EIF4E1B: variants seen among roughly 807,000 people sequenced by gnomAD.
EIF4E1B encodes the protein eukaryotic translation initiation factor 4E type 1B.
Under a neutral mutation model 31.3 loss-of-function variants are expected in EIF4E1B, and 22 were observed. The ratio of observed to expected loss-of-function variants is 0.70; its 90% CI spans 0.50 to 1.00. The LOEUF (loss-of-function observed/expected upper bound fraction) is 1.00. EIF4E1B is among the 50% of genes least tolerant of loss of function. EIF4E1B has a pLI of 0.00. For synonymous variants in EIF4E1B, 126 were observed against 120.2 expected, an observed-to-expected ratio of 1.05 and a Z score of -0.31; for missense variants, 290 against 311.6, an observed-to-expected ratio of 0.93 and a Z score of 0.52.
intron 4 of EIF4E1B, 97 bp from the exon 5 acceptor site, chr5:176,643,542 G>A (rs1484370983): frequency 1.0e-5 from 12 of 1,167,470 alleles, no homozygotes; most frequent in South Asian, 2.8e-5. Flanking sequence ...CTCCCAGTTC[G>A]CCCTTGAAGG....
intron 5 of EIF4E1B, 37 bp downstream of exon 5, chr5:176,643,771 G>A (rs1405236640): frequency 6.3e-7 from 1 of 1,581,812 alleles, no homozygotes; most frequent in African/African-American, 1.3e-5. Flanking sequence ...GAGTTGGGGG[G>A]CTCTGAGCTC....
At chr5:176,640,219 G>A (rs1444807697) in intron 1 of EIF4E1B, among the ~76,000 whole-genome samples, 1 of 152,186 alleles carries the variant, frequency 6.6e-6, no homozygotes, top group Non-Finnish European at 1.5e-5. Context: ...AGGCCACGCA[G>A]TGCCATCCTG....
At chr5:176,637,800 T>A (rs1010538482) in intron 1 of EIF4E1B, among the ~76,000 whole-genome samples, 4 of 152,048 alleles carry the variant, frequency 2.6e-5, no homozygotes, top group Non-Finnish European at 5.9e-5. Flanking sequence ...GAGGGAGTGA[T>A]CCAGATTTCA....
In EIF4E1B at chr5:176,645,837, C is replaced by T; in HGVS notation, c.615-29C>T. On this transcript the variant is annotated intron_variant, in intron 8 of 8. Transcript: ENST00000318682. The surrounding 1 kb of genome is among the most constrained non-coding windows in gnomAD (Gnocchi z 5.4). Reference sequence around the variant, plus strand: ...GACCCTCTGATGACTACCTGTGTCTCTTTTCCTCTGTGTCCCCCGCACCTG... The same window carrying T: ...GACCCTCTGATGACTACCTGTGTCTTTTTTCCTCTGTGTCCCCCGCACCTG... 6.5e-7 allele frequency: 1 copy of T among 1,539,138 alleles called. No individual in the cohort carries two copies. Among genetic ancestry groups the T allele is most frequent in the Non-Finnish European group, 8.8e-7 (1 of 1,139,120 alleles).
chr5:176,638,214 T>C lies in EIF4E1B; in HGVS notation c.-201-3829T>C, dbSNP rs1157682197. 6.6e-6 allele frequency among the ~76,000 whole-genome samples: 1 copy of C among 152,174 alleles called. No individual in the cohort carries two copies. Among genetic ancestry groups the C allele is most frequent in the Non-Finnish European group, 1.5e-5 (1 of 68,024 alleles). ...AGTTGGATATGCTCTTCTGGATTTC[T>C]GGTGGCGGCTAAGCATGTCACTCTC... On this transcript the variant is annotated intron_variant, in intron 1 of 8. Coordinates refer to ENST00000318682, the MANE Select transcript of EIF4E1B (RefSeq NM_001099408.2). This position sits in a 1 kb window ranked among gnomAD's most constrained non-coding sequence, Gnocchi z 4.3.
At position 176,644,389 on chromosome 5, in the gene EIF4E1B, A is replaced by T; in HGVS notation, c.310A>T (p.Ile104Phe). ...GGCTCTGTCCAGGCTATACAGTCAC[A>T]TCCAGCTGGCCAGCAAGCTCTCCTC... Reference protein sequence around the residue: ...VEDFWALYSHIQLASKLSSGC... With the variant: ...VEDFWALYSHFQLASKLSSGC... The change falls in exon 6 of 9, where the codon ATC (isoleucine) becomes TTC (phenylalanine). Residue 104 changes from isoleucine to phenylalanine, a missense_variant. Physicochemically the swap from Ile to Phe is conservative, Grantham distance 21. Coordinates refer to ENST00000318682, the MANE Select transcript of EIF4E1B (RefSeq NM_001099408.2). 1 of 1,592,436 alleles carries T rather than the reference A, an allele frequency of 6.3e-7. No homozygotes were observed. The highest frequency in any genetic ancestry group is 8.6e-7 in the Non-Finnish European group (1 of 1,169,300).
In EIF4E1B at chr5:176,645,334, A is replaced by T; in HGVS notation, c.475-43A>T. ...TCTCAAGGATGGCAGGCCAGTCCCT[A>T]TGTCCCAGCCGGTGATCTCACAACC... On this transcript the variant is annotated intron_variant, in intron 7 of 8. Transcript: ENST00000318682. The surrounding 1 kb of genome is among the most constrained non-coding windows in gnomAD (Gnocchi z 5.4). The T allele has an allele frequency of 6.4e-7, 1 of 1,552,878 alleles. No individual in the cohort carries two copies. The highest frequency in any genetic ancestry group is 1.2e-5 in the South Asian group (1 of 81,474).
At chr5:176,641,894 G>C (rs1259885908) in intron 1 of EIF4E1B, 149 bp from the exon 2 acceptor site, 1 of 152,490 alleles carries the variant, frequency 6.6e-6, no homozygotes, top group East Asian at 1.9e-4. Flanking sequence ...CCCCATCCCA[G>C]TCCCCACCCT....
At position 176,645,641 on chromosome 5, in the gene EIF4E1B, C is replaced by T; in HGVS notation, c.614+125C>T. The T allele has an allele frequency of 7.4e-7, 1 of 1,351,754 alleles. No individual in the cohort carries two copies. Among genetic ancestry groups the T allele is most frequent in the Non-Finnish European group, 9.8e-7 (1 of 1,020,630 alleles). 83.7% of individuals were successfully genotyped at this position (1,351,754 alleles called of 1,614,324 possible). ...CATAGCCTCCCTCCCTTCTGCCTTG[C>T]CCACCTGTATGGAAGGTCTGGCGTT... On this transcript the variant is annotated intron_variant, in intron 8 of 8. Coordinates refer to ENST00000318682, the MANE Select transcript of EIF4E1B (RefSeq NM_001099408.2). This position sits in a 1 kb window ranked among gnomAD's most constrained non-coding sequence, Gnocchi z 5.4.
chr5:176,645,593 C>A lies in EIF4E1B; in HGVS notation c.614+77C>A. 6.9e-7 allele frequency: 1 copy of A among 1,449,424 alleles called. No homozygotes were observed. The highest frequency in any genetic ancestry group is 2.8e-5 in the Admixed American group (1 of 35,260). 89.8% of individuals were successfully genotyped at this position (1,449,424 alleles called of 1,614,324 possible). A position where few individuals can be genotyped will look rare whatever the true frequency, so the allele number is the denominator to read the frequency against. On this transcript the variant is annotated intron_variant, in intron 8 of 8. Transcript: ENST00000318682. The surrounding 1 kb of genome is among the most constrained non-coding windows in gnomAD (Gnocchi z 5.4). ...AGGTGGGTGGAGGGGGCTTGGCCTG[C>A]ATGGGAGACCTCTGAAAGTCTCCAT...
chr5:176,632,562 C>G (rs537114469), intron 1 of EIF4E1B, among the ~76,000 whole-genome samples: 1 of 152,284 alleles, frequency 6.6e-6, no homozygotes, highest in African/African-American at 2.4e-5. Context: ...GGCCACACCT[C>G]TGTAATAATT....
chr5:176,643,335 C>A, intron 4 of EIF4E1B, 69 bp downstream of exon 4: 2 of 1,488,556 alleles, frequency 1.3e-6, no homozygotes, highest in South Asian at 1.3e-5. Context: ...GGCAGCGTGG[C>A]CTTGGGCAAC....
rs998709324 is a variant in EIF4E1B, at chr5:176,645,762, G to A, written c.615-104G>A. ...CACATGGGTAAGACACAACAGGTGT[G>A]GCTGTGGCCAGAATGAGGGTAGGAG... On this transcript the variant is annotated intron_variant, in intron 8 of 8. Transcript: ENST00000318682. This position sits in a 1 kb window ranked among gnomAD's most constrained non-coding sequence, Gnocchi z 5.4. 8.6e-7 allele frequency: 1 copy of A among 1,165,106 alleles called. No individual in the cohort carries two copies. The highest frequency in any genetic ancestry group is 2.6e-5 in the East Asian group (1 of 38,634). The allele number at this position is 1,165,106 out of a possible 1,614,324, so 72.2% of individuals were successfully genotyped here. A position where few individuals can be genotyped will look rare whatever the true frequency, so the allele number is the denominator to read the frequency against.
intron 3 of EIF4E1B, 50 bp downstream of exon 3, chr5:176,642,852 C>G: frequency 2.1e-6 from 2 of 949,372 alleles, no homozygotes; most frequent in Non-Finnish European, 2.6e-6. Context: ...CCCGCCCTCT[C>G]CCCCCCCCCC....
At chr5:176,631,379 T>C (rs1271778736) in intron 1 of EIF4E1B, among the ~76,000 whole-genome samples, 1 of 152,132 alleles carries the variant, frequency 6.6e-6, no homozygotes, top group Non-Finnish European at 1.5e-5. Context: ...CAGTAGGCCC[T>C]CAGTTGGTTC....
chr5:176,642,568 C>T, intron 2 of EIF4E1B, 142 bp from the exon 3 acceptor site: 1 of 624,542 alleles, frequency 1.6e-6, no homozygotes, highest in Non-Finnish European at 2.7e-6. Flanking sequence ...GGGGATGGTG[C>T]CAGAAGGCCC....
intron 1 of EIF4E1B, among the ~76,000 whole-genome samples, chr5:176,636,095 G>T (rs572134665): frequency 1.3e-5 from 2 of 152,326 alleles, no homozygotes; most frequent in Non-Finnish European, 2.9e-5. Flanking sequence ...AGGATTACAG[G>T]CATGAGCCAC....
At position 176,645,293 on chromosome 5, in the gene EIF4E1B, C is replaced by G. The variant is rs373799193; in HGVS notation, c.474+50C>G. The G allele has an allele frequency of 1.9e-4, 300 of 1,586,522 alleles. 1 individual carries two copies. The highest frequency in any genetic ancestry group is 1.7e-4 in the Admixed American group (10 of 58,256). On this transcript the variant is annotated intron_variant, in intron 7 of 8. Transcript: ENST00000318682. This position sits in a 1 kb window ranked among gnomAD's most constrained non-coding sequence, Gnocchi z 5.4. ...AGGGGAAGAGACGGGCTGTGTGGGT[C>G]TCATGGTGGCAGTGGTCTCAAGGAT...
intron 6 of EIF4E1B, 127 bp downstream of exon 6, chr5:176,644,566 G>A: frequency 9.2e-7 from 1 of 1,092,038 alleles, no homozygotes; most frequent in Non-Finnish European, 1.3e-6. Context: ...GCAGAGTTGT[G>A]GTTTCTGACT....
Sources: allele counts gnomAD v4.1 joint callset (sites outside exome capture counted in the v4.1 genomes callset), GRCh38; gene constraint gnomAD v4.1.1; non-coding constraint Gnocchi (gnomAD v3.1); transcripts MANE v1.5; gene names NCBI Gene and HGNC (gene_info 2026-07-23, HGNC 2026-07-21).